The following ATXN1 variants were observed in gnomAD, a reference collection of about 807,000 sequenced individuals.
ATXN1 encodes ataxin-1.
In ATXN1, 8 loss-of-function variants were observed where a neutral mutation model predicts 56.4. The ratio of observed to expected loss-of-function variants is 0.14; its 90% CI spans 0.08 to 0.26. ATXN1 has a LOEUF of 0.26. ATXN1 is among the 10% of genes least tolerant of loss of function. The probability of loss-of-function intolerance (pLI) is 1.00; values close to 1 mark genes in which losing one functional copy is unlikely to be tolerated. For missense variants in ATXN1, 987 were observed against 1,106.5 expected, an observed-to-expected ratio of 0.89 and a Z score of 1.53; for synonymous variants, 514 against 494.6, an observed-to-expected ratio of 1.04 and a Z score of -0.52.
At chr6:16,470,343 A>G (rs1323583916) in intron 6 of ATXN1, among the ~76,000 whole-genome samples, 1 of 152,106 alleles carries the variant, frequency 6.6e-6, no homozygotes, top group Non-Finnish European at 1.5e-5. Context: ...GAGCATTAGT[A>G]TTTTATGGGT....
intron 2 of ATXN1, among the ~76,000 whole-genome samples, chr6:16,668,766 A>G (rs1758481106): frequency 1.3e-5 from 2 of 151,760 alleles, no homozygotes. Context: ...ACTGGTATGG[A>G]GCTTTTATTA....
chr6:16,433,354 C>T (rs902924753), intron 6 of ATXN1, among the ~76,000 whole-genome samples: 17 of 152,158 alleles, frequency 1.1e-4, no homozygotes, highest in Non-Finnish European at 2.4e-4. Context: ...TAGCTGATAC[C>T]TCAAATTTCA....
At chr6:16,735,763 C>G (rs1760107278) in intron 2 of ATXN1, among the ~76,000 whole-genome samples, 1 of 151,962 alleles carries the variant, frequency 6.6e-6, no homozygotes, top group African/African-American at 2.4e-5. Flanking sequence ...TAAAAGGTTG[C>G]AGTGAGCTGA....
intron 4 of ATXN1, among the ~76,000 whole-genome samples, chr6:16,525,350 A>G (rs1247980324): frequency 6.6e-6 from 1 of 152,210 alleles, no homozygotes; most frequent in Non-Finnish European, 1.5e-5. Flanking sequence ...ATAAAAAAGA[A>G]TGAGATCCAG....
chr6:16,442,521 G>A (rs542359953), intron 6 of ATXN1, among the ~76,000 whole-genome samples: 2 of 150,818 alleles, frequency 1.3e-5, no homozygotes, highest in South Asian at 2.1e-4. Context: ...TGAAAGGAAC[G>A]AAAATAATCT....
At chr6:16,524,470 T>C (rs1761353847) in intron 4 of ATXN1, among the ~76,000 whole-genome samples, 1 of 152,210 alleles carries the variant, frequency 6.6e-6, no homozygotes, top group Non-Finnish European at 1.5e-5. Flanking sequence ...TACGAATTCT[T>C]GAGACCACGA....
Position 16,761,320 on chromosome 6 carries a change from G to T in ATXN1, c.-752C>A. ...TACTGTAAAGTGTAAATGGATCTGG[G>T]GTTGCGTGGGGAAGGGGGGGCAGAG... On this transcript the variant is annotated 5_prime_UTR_variant, in exon 1 of 8. Coordinates refer to ENST00000436367, the MANE Select transcript of ATXN1 (RefSeq NM_001128164.2). 4.4e-6 allele frequency: 2 copies of T among 456,064 alleles called. No individual in the cohort carries two copies. The highest frequency in any genetic ancestry group is 8.8e-6 in the Non-Finnish European group (2 of 226,744). The allele number at this position is 456,064 out of a possible 1,614,324, so 28.3% of individuals were successfully genotyped here.
At chr6:16,751,655 T>C (rs529256673) in intron 2 of ATXN1, among the ~76,000 whole-genome samples, 1 of 151,848 alleles carries the variant, frequency 6.6e-6, no homozygotes, top group Non-Finnish European at 1.5e-5. Context: ...AATTTAAAAT[T>C]CAGCAAAAAC....
chr6:16,504,993 C>T (rs1357506364), intron 5 of ATXN1, among the ~76,000 whole-genome samples: 4 of 135,316 alleles, frequency 3.0e-5, no homozygotes, highest in Admixed American at 7.5e-5. Flanking sequence ...CTCCTGTTTC[C>T]TTTTTTTTTT....
chr6:16,746,862 C>A (rs1411647192), intron 2 of ATXN1, among the ~76,000 whole-genome samples: 1 of 152,106 alleles, frequency 6.6e-6, no homozygotes, highest in Non-Finnish European at 1.5e-5. Context: ...ACAATAAAAT[C>A]TATTCATGGA....
Position 16,326,440 on chromosome 6 carries a change from G to A in ATXN1, c.1871C>T (p.Pro624Leu), listed in dbSNP as rs539283031. The change falls in exon 7 of 8, where the codon CCG (proline) becomes CTG (leucine). Residue 624 changes from proline to leucine, a missense_variant. Pro to Leu is a moderately conservative substitution (Grantham distance 98, BLOSUM62 -3). Around this residue, in one of 3 missense-constraint regions of ATXN1, gnomAD observed 68 missense variants for 118.1 expected, o/e 0.58. Coordinates refer to ENST00000436367, the MANE Select transcript of ATXN1 (RefSeq NM_001128164.2). This position sits in a 1 kb window ranked among gnomAD's most constrained non-coding sequence, Gnocchi z 6.6. Reference protein sequence around the residue: ...TVERIEDSHSPGVAVIQFAVG... With the variant: ...TVERIEDSHSLGVAVIQFAVG... The stretch of plus-strand genomic sequence containing the variant: ...GGCGAACTGTATCACGGCCACGCCC[G>A]GGCTATGGCTGTCTTCAATCCTCTC... The A allele has an allele frequency of 1.1e-4, 180 of 1,614,076 alleles. 2 individuals carry two copies. The East Asian group carries it at 2.5e-3, about 22-fold the overall frequency.
rs1044513316 is a variant in ATXN1, at chr6:16,299,310, C to T, written c.*7019G>A. 1 of 152,504 alleles carries T rather than the reference C, an allele frequency of 6.6e-6. No homozygotes were observed. Among genetic ancestry groups the T allele is most frequent in the African/African-American group, 2.4e-5 (1 of 41,392 alleles). The allele number at this position is 152,504 out of a possible 1,614,324, so 9.4% of individuals were successfully genotyped here. A position where few individuals can be genotyped will look rare whatever the true frequency, so the allele number is the denominator to read the frequency against. On this transcript the variant is annotated 3_prime_UTR_variant, in exon 8 of 8. Transcript: ENST00000436367. ...GACCATAAAATTCAATAAACAGACTCGAGTGTATCCTACAAATAGACACAC... is the reference window on the plus strand; with the variant it reads ...GACCATAAAATTCAATAAACAGACTTGAGTGTATCCTACAAATAGACACAC...
intron 5 of ATXN1, among the ~76,000 whole-genome samples, chr6:16,497,543 T>G (rs1267675152): frequency 6.6e-6 from 1 of 152,220 alleles, no homozygotes; most frequent in African/African-American, 2.4e-5. Flanking sequence ...TTTACATTCT[T>G]GTTCGTGTGA....
Position 16,540,420 on chromosome 6 carries a change from C to A in ATXN1, c.-360-17732G>T, listed in dbSNP as rs964306935. Among the ~76,000 whole-genome samples, 12 of 152,228 alleles carry A rather than the reference C, an allele frequency of 7.9e-5. No individual in the cohort carries two copies. In the East Asian group the frequency reaches 2.1e-3, roughly 27 times the overall value. Reference sequence around the variant, plus strand: ...TAGAGACGGGTTTCACCATGTTGGCCAGGATGGTCTCGAACTCCTGACCTC... The same window carrying A: ...TAGAGACGGGTTTCACCATGTTGGCAAGGATGGTCTCGAACTCCTGACCTC... On this transcript the variant is annotated intron_variant, in intron 4 of 7. Transcript: ENST00000436367.
chr6:16,371,759 A>G (rs947501219), intron 6 of ATXN1, among the ~76,000 whole-genome samples: 4 of 149,922 alleles, frequency 2.7e-5, no homozygotes, highest in African/African-American at 9.9e-5. Flanking sequence ...TATTTTTTTC[A>G]GTAGAGATTG....
intron 4 of ATXN1, among the ~76,000 whole-genome samples, chr6:16,543,191 C>T (rs1488094990): frequency 2.0e-5 from 3 of 152,168 alleles, no homozygotes; most frequent in East Asian, 1.9e-4. Flanking sequence ...GCCTGGGTCC[C>T]GCTCATTCCT....
chr6:16,455,835 T>G (rs1759855735), intron 6 of ATXN1, among the ~76,000 whole-genome samples: 1 of 152,162 alleles, frequency 6.6e-6, no homozygotes, highest in African/African-American at 2.4e-5. Flanking sequence ...TTTCCTGTCT[T>G]ATAAGAGGTT....
intron 6 of ATXN1, among the ~76,000 whole-genome samples, chr6:16,421,707 T>C (rs1327311563): frequency 1.3e-5 from 2 of 151,792 alleles, no homozygotes; most frequent in East Asian, 2.0e-4. Flanking sequence ...TGAGCGTGCA[T>C]GCAAATAGGT....
intron 2 of ATXN1, among the ~76,000 whole-genome samples, chr6:16,661,466 G>A (rs1758318751): frequency 6.6e-6 from 1 of 152,114 alleles, no homozygotes; most frequent in African/African-American, 2.4e-5. Flanking sequence ...TGGTCTGATT[G>A]TCAGGAATAG....
Sources: allele counts gnomAD v4.1 joint callset (sites outside exome capture counted in the v4.1 genomes callset), GRCh38; gene constraint gnomAD v4.1.1; regional missense constraint gnomAD v4.1.1; non-coding constraint Gnocchi (gnomAD v3.1); transcripts MANE v1.5; gene names NCBI Gene and HGNC (gene_info 2026-07-23, HGNC 2026-07-21).